The following SNRPN variants were observed in gnomAD, a reference collection of about 807,000 sequenced individuals.
The protein encoded by SNRPN is small nuclear ribonucleoprotein polypeptide N.
A neutral mutation model predicts 25.2 loss-of-function variants in SNRPN; 7 were observed. The ratio of observed to expected loss-of-function variants is 0.28; its 90% CI spans 0.16 to 0.52. The LOEUF is 0.52. Ranked by LOEUF, SNRPN falls within the 20% of genes least tolerant of loss-of-function variation. The pLI is 0.96. For missense variants in SNRPN, 196 were observed against 322.5 expected, an observed-to-expected ratio of 0.61 and a Z score of 3.00; for synonymous variants, 124 against 110.6, an observed-to-expected ratio of 1.12 and a Z score of -0.76.
At chr15:24,901,621 C>T (rs2058464874) in intron 2 of SNRPN, among the ~76,000 whole-genome samples, 1 of 152,102 alleles carries the variant, frequency 6.6e-6, no homozygotes, top group Non-Finnish European at 1.5e-5. Flanking sequence ...AAAAGTACCG[C>T]AGGTATTGAT....
intron 1 of SNRPN, among the ~76,000 whole-genome samples, chr15:24,958,137 C>T (rs2063218571): frequency 6.6e-6 from 1 of 152,190 alleles, no homozygotes; most frequent in South Asian, 2.1e-4. Flanking sequence ...ATGTTTTCCA[C>T]ATTTATAGTT....
chr15:24,954,971 C>A, upstream of SNRPN: 1 of 1,598,692 alleles, frequency 6.3e-7, no homozygotes, highest in South Asian at 1.1e-5. Flanking sequence ...CCTGCCGCTG[C>A]TGCAGCGAGT....
In SNRPN at chr15:24,871,848, G is replaced by A. The variant is rs962065929; in HGVS notation, c.-578-14668G>A. ...GCCTCCCAAGCAGCTGGGACTACAG[G>A]CGCCCACCACCACGCCTGGCTAATT... On this transcript the variant is annotated intron_variant, in intron 1 of 11. Transcript: ENST00000400097. Among the ~76,000 whole-genome samples, 14 of 121,702 alleles carry A rather than the reference G, an allele frequency of 1.2e-4. 1 individual carries two copies. Among genetic ancestry groups the A allele is most frequent in the African/African-American group, 3.9e-4 (14 of 35,734 alleles). 79.8% of individuals were successfully genotyped at this position (121,702 alleles called of 152,430 possible).
chr15:24,941,767 TTTTATTTA>T (rs571831024), intron 3 of SNRPN, among the ~76,000 whole-genome samples: 6 of 151,774 alleles, frequency 4.0e-5, no homozygotes, highest in East Asian at 1.9e-4. Flanking sequence ...AGTTTTTTGT[TTTTATTTA>T]TTTATTTATT....
At chr15:24,899,701 C>A (rs1323010427) in intron 2 of SNRPN, among the ~76,000 whole-genome samples, 6 of 152,192 alleles carry the variant, frequency 3.9e-5, no homozygotes, top group Admixed American at 3.9e-4. Flanking sequence ...CCTGTGAACA[C>A]CTTTCCCTGG....
At chr15:24,877,270 A>T (rs2056004565) in intron 1 of SNRPN, among the ~76,000 whole-genome samples, 1 of 152,220 alleles carries the variant, frequency 6.6e-6, no homozygotes, top group Admixed American at 6.5e-5. Context: ...AGGACATTTC[A>T]GCTCCAAGTC....
intron 1 of SNRPN, among the ~76,000 whole-genome samples, chr15:24,827,515 CAA>C (rs58393593): frequency 0.42 from 40,812 of 97,274 alleles, 6,555 homozygotes; most frequent in South Asian, 0.51. Context: ...GACTCTGTCT[CAA>C]AAAAAAAAAA....
intron 1 of SNRPN, among the ~76,000 whole-genome samples, chr15:24,956,312 T>C (rs1596160077): frequency 6.9e-6 from 1 of 144,730 alleles, no homozygotes; most frequent in Non-Finnish European, 1.5e-5. Flanking sequence ...TCCTTCAAGA[T>C]GGCCGCCGCT....
chr15:24,928,403 A>G (rs556892121), intron 3 of SNRPN, among the ~76,000 whole-genome samples: 3 of 152,108 alleles, frequency 2.0e-5, no homozygotes, highest in African/African-American at 4.8e-5. Context: ...CCATAAAAAA[A>G]GAATGAGATC....
Position 24,901,368 on chromosome 15 carries a change from T to A in SNRPN, c.-505+14779T>A, listed in dbSNP as rs377503533. ...CCTAGAATGAAATAGATGAGAAGCA[T>A]ACTTAGAGTATTGTTTGATCTCTAT... is the stretch of plus-strand genomic sequence containing the variant. On this transcript the variant is annotated intron_variant, in intron 2 of 11. Transcript: ENST00000400097. Among the ~76,000 whole-genome samples, 137 of 152,326 alleles carry A rather than the reference T, an allele frequency of 9.0e-4. 1 individual carries two copies. The highest frequency in any genetic ancestry group is 3.1e-3 in the African/African-American group (127 of 41,572).
intron 1 of SNRPN, among the ~76,000 whole-genome samples, chr15:24,824,766 A>G (rs2049960529): frequency 6.6e-6 from 1 of 151,416 alleles, no homozygotes; most frequent in South Asian, 2.1e-4. Flanking sequence ...TATCGTTTGT[A>G]TGAGACTAGA....
chr15:24,905,230 A>T (rs1255995953), intron 2 of SNRPN, among the ~76,000 whole-genome samples: 1 of 152,034 alleles, frequency 6.6e-6, no homozygotes, highest in Non-Finnish European at 1.5e-5. Context: ...AACAGGGAGG[A>T]CCGGGTGCGG....
chr15:24,969,168 G>T (rs1223215123), intron 3 of SNRPN, among the ~76,000 whole-genome samples: 2 of 151,986 alleles, frequency 1.3e-5, no homozygotes, highest in African/African-American at 4.8e-5. Flanking sequence ...TCACTCTGTT[G>T]CCCAGGCTGG....
At chr15:24,951,569 G>A (rs1396641741), upstream of SNRPN, among the ~76,000 whole-genome samples, 3 of 151,020 alleles carry the variant, frequency 2.0e-5, no homozygotes, top group South Asian at 2.1e-4. Flanking sequence ...GTGCAGTGGC[G>A]TGATCTGGGC....
In SNRPN at chr15:24,929,676, G is replaced by C. The variant is rs912750818; in HGVS notation, c.-391+9552G>C. On this transcript the variant is annotated intron_variant, in intron 3 of 11. Transcript: ENST00000400097. This position sits in a 1 kb window ranked among gnomAD's most constrained non-coding sequence, Gnocchi z 5.3. ...GGCTGCCACACGACTTCCTAAAAAG[G>C]CATAAACACATTTTCTTCCAAGTGG... Among the ~76,000 whole-genome samples the C allele has an allele frequency of 2.6e-5, 4 of 152,012 alleles. No homozygotes were observed. Among genetic ancestry groups the C allele is most frequent in the Non-Finnish European group, 4.4e-5 (3 of 68,020 alleles).
intron 1 of SNRPN, among the ~76,000 whole-genome samples, chr15:24,869,894 A>G (rs1366405136): frequency 6.6e-6 from 1 of 152,196 alleles, no homozygotes; most frequent in African/African-American, 2.4e-5. Context: ...TCTTTACTGT[A>G]TACAGTTGGC....
chr15:24,859,796 G>T (rs11634958), intron 1 of SNRPN, among the ~76,000 whole-genome samples: 1 of 152,142 alleles, frequency 6.6e-6, no homozygotes, highest in African/African-American at 2.4e-5. Flanking sequence ...ACCAAGGGTG[G>T]ATTATCCATG....
In SNRPN at chr15:24,976,889, C is replaced by T. The variant is rs1358261350; in HGVS notation, c.280C>T (p.Arg94Trp). ...TTTCTTGTTTCAGACTGGCATTGCT[C>T]GGGTACCACTTGCTGGAGCTGCTGG... Reference protein sequence around the residue: ...GPPPKDTGIARVPLAGAAGGP... With the variant: ...GPPPKDTGIAWVPLAGAAGGP... The change falls in exon 7 of 10, where the codon CGG becomes TGG. Residue 94 changes from arginine to tryptophan, a missense_variant. Physicochemically the swap from Arg to Trp is moderately radical, Grantham distance 101 (BLOSUM62 -3). Transcript: ENST00000390687. 6.2e-7 allele frequency: 1 copy of T among 1,607,978 alleles called. No homozygotes were observed. The highest frequency in any genetic ancestry group is 1.7e-5 in the Admixed American group (1 of 58,758).
intron 2 of SNRPN, chr15:24,908,869 T>C (rs766941869): frequency 1.1e-5 from 7 of 648,138 alleles, no homozygotes; most frequent in Non-Finnish European, 1.8e-5. Flanking sequence ...TTTTCTTTTT[T>C]TTTGCTGTCC....
Sources: allele counts gnomAD v4.1 joint callset (sites outside exome capture counted in the v4.1 genomes callset), GRCh38; gene constraint gnomAD v4.1.1; non-coding constraint Gnocchi (gnomAD v3.1); transcripts MANE v1.5; gene names NCBI Gene and HGNC (gene_info 2026-07-23, HGNC 2026-07-21).